PRKCB: variants seen among roughly 807,000 people sequenced by gnomAD.
PRKCB encodes the protein protein kinase C beta.
In PRKCB, 13 loss-of-function variants were observed where a neutral mutation model predicts 81.5. The ratio of observed to expected loss-of-function variants is 0.16; its 90% CI spans 0.10 to 0.25. The LOEUF (loss-of-function observed/expected upper bound fraction) is 0.25. PRKCB is among the 10% of genes least tolerant of loss of function. The pLI is 1.00. For missense variants in PRKCB, 509 were observed against 875.7 expected (o/e 0.58, Z 5.29); for synonymous variants, 335 against 321.4 (o/e 1.04, Z -0.45).
chr16:24,109,385 T>C (rs1214277502), intron 7 of PRKCB, among the ~76,000 whole-genome samples: 7 of 109,564 alleles, frequency 6.4e-5, no homozygotes, highest in South Asian at 3.1e-4. Flanking sequence ...TCCTCACTTC[T>C]CAGACGGGGC....
chr16:24,093,059 C>T lies in PRKCB; in HGVS notation c.686+112C>T. 3 of 1,161,744 alleles carry T rather than the reference C, an allele frequency of 2.6e-6. No homozygotes were observed. In the South Asian group the frequency reaches 5.1e-5, roughly 20 times the overall value. 72.0% of individuals were successfully genotyped at this position (1,161,744 alleles called of 1,614,324 possible). A position where few individuals can be genotyped will look rare whatever the true frequency, so the allele number is the denominator to read the frequency against. ...CCTGTTTCCTTCCTTCCCTACCTCC[C>T]TCCTTTTCTGTCTTCTCCATCCCTC... is the stretch of plus-strand genomic sequence containing the variant. On this transcript the variant is annotated intron_variant, in intron 6 of 16. Transcript: ENST00000643927.
At chr16:24,006,480 G>A (rs1965123314) in intron 3 of PRKCB, among the ~76,000 whole-genome samples, 1 of 152,248 alleles carries the variant, frequency 6.6e-6, no homozygotes, top group African/African-American at 2.4e-5. Flanking sequence ...GGGCATAGCT[G>A]TGGTAGATGT....
intron 2 of PRKCB, among the ~76,000 whole-genome samples, chr16:23,940,193 G>A (rs1964121845): frequency 6.6e-6 from 1 of 152,080 alleles, no homozygotes; most frequent in African/African-American, 2.4e-5. Flanking sequence ...TAATGGTAAT[G>A]CCAAATTCTA....
chr16:23,917,340 G>T (rs1051776645), intron 2 of PRKCB, among the ~76,000 whole-genome samples: 5 of 152,200 alleles, frequency 3.3e-5, no homozygotes, highest in Admixed American at 3.3e-4. Context: ...GCCTCCCAAA[G>T]GGTTGGGATT....
At chr16:24,163,409 A>G (rs1967295245) in intron 10 of PRKCB, among the ~76,000 whole-genome samples, 1 of 152,240 alleles carries the variant, frequency 6.6e-6, no homozygotes, top group Admixed American at 6.5e-5. Context: ...GAAATGAATC[A>G]GAAATGCAAC....
At chr16:24,087,914 T>C (rs1241200701) in intron 5 of PRKCB, among the ~76,000 whole-genome samples, 4 of 152,148 alleles carry the variant, frequency 2.6e-5, no homozygotes, top group Admixed American at 2.6e-4. Flanking sequence ...CGGCAAGCAG[T>C]GTTCTCTGGA....
intron 9 of PRKCB, among the ~76,000 whole-genome samples, chr16:24,127,518 T>G (rs1271233634): frequency 6.6e-6 from 1 of 152,154 alleles, no homozygotes; most frequent in Non-Finnish European, 1.5e-5. Flanking sequence ...TTGTCCTTAT[T>G]AACTCAAAAG....
At chr16:24,149,426 G>A (rs984635173) in intron 9 of PRKCB, among the ~76,000 whole-genome samples, 2 of 152,170 alleles carry the variant, frequency 1.3e-5, no homozygotes, top group African/African-American at 4.8e-5. Flanking sequence ...AAGAAGAAAA[G>A]GAAAGTTTTC....
chr16:24,123,772 G>A (rs1966828454), intron 8 of PRKCB, 63 bp from the exon 9 acceptor site: 2 of 1,566,022 alleles, frequency 1.3e-6, no homozygotes, highest in South Asian at 2.4e-5. Flanking sequence ...TTGTGTGCCT[G>A]TGCCTTCCTA....
At chr16:24,005,799 C>T (rs557148315) in intron 3 of PRKCB, among the ~76,000 whole-genome samples, 38 of 152,312 alleles carry the variant, frequency 2.5e-4, no homozygotes, top group South Asian at 6.2e-4. Context: ...TGGTGTCATC[C>T]GGTCTCCTTG....
intron 2 of PRKCB, among the ~76,000 whole-genome samples, chr16:23,955,934 A>AT (rs1964343660): frequency 6.6e-6 from 1 of 151,598 alleles, no homozygotes; most frequent in African/African-American, 2.4e-5. Flanking sequence ...CCAGGTTTGT[A>AT]TTTTTTTAAT....
intron 2 of PRKCB, among the ~76,000 whole-genome samples, chr16:23,914,610 A>C: frequency 6.6e-6 from 1 of 152,146 alleles, no homozygotes; most frequent in South Asian, 2.1e-4. Flanking sequence ...CCTTGCCCAT[A>C]AGTGCGGATG....
intron 2 of PRKCB, among the ~76,000 whole-genome samples, chr16:23,910,229 A>C (rs772642805): frequency 2.0e-5 from 3 of 152,066 alleles, no homozygotes; most frequent in African/African-American, 7.2e-5. Context: ...CACTTGATGG[A>C]AAGAGTCAAG....
intron 5 of PRKCB, among the ~76,000 whole-genome samples, chr16:24,040,833 G>A (rs1965688432): frequency 6.6e-6 from 1 of 152,168 alleles, no homozygotes; most frequent in Non-Finnish European, 1.5e-5. Flanking sequence ...AACAGCAAAT[G>A]TTACTGGGAC....
intron 3 of PRKCB, among the ~76,000 whole-genome samples, chr16:24,005,114 A>G (rs1965099989): frequency 6.6e-6 from 1 of 152,130 alleles, no homozygotes; most frequent in Admixed American, 6.6e-5. Context: ...AAACTCATCA[A>G]ACTATATGCT....
intron 9 of PRKCB, among the ~76,000 whole-genome samples, chr16:24,132,121 C>T (rs1966854213): frequency 6.6e-6 from 1 of 152,164 alleles, no homozygotes; most frequent in Non-Finnish European, 1.5e-5. Flanking sequence ...AGATTTTCTA[C>T]CTTCATTTCC....
At chr16:24,121,199 A>G (rs1016371398) in intron 8 of PRKCB, among the ~76,000 whole-genome samples, 5 of 152,118 alleles carry the variant, frequency 3.3e-5, no homozygotes, top group Admixed American at 2.0e-4. Flanking sequence ...CCTGCTGCCA[A>G]TACCAGTTTA....
intron 16 of PRKCB, among the ~76,000 whole-genome samples, chr16:24,193,763 A>T (rs961179831): frequency 6.6e-6 from 1 of 152,128 alleles, no homozygotes; most frequent in Admixed American, 6.5e-5. Flanking sequence ...GAGATAGAAG[A>T]GAAAGTGTTG....
intron 3 of PRKCB, among the ~76,000 whole-genome samples, chr16:24,009,890 A>G (rs1348261585): frequency 6.6e-6 from 1 of 151,932 alleles, no homozygotes; most frequent in East Asian, 1.9e-4. Context: ...TGGTTTTTGT[A>G]TCTGTAATCC....
Sources: gnomAD v4.1 joint callset for allele counts (sites outside exome capture counted in the v4.1 genomes callset) on GRCh38, gnomAD v4.1.1 for gene constraint, MANE v1.5 for transcripts, NCBI Gene and HGNC (gene_info 2026-07-23, HGNC 2026-07-21) for gene names.